The following PRKAR2A variants were observed in gnomAD, a reference collection of about 807,000 sequenced individuals.
The protein encoded by PRKAR2A is cAMP-dependent protein kinase type II-alpha regulatory subunit.
Under a neutral mutation model 51.9 loss-of-function variants are expected in PRKAR2A, and 29 were observed. The ratio of observed to expected loss-of-function variants is 0.56; its 90% CI spans 0.42 to 0.76. PRKAR2A has a LOEUF of 0.76. Ranked by LOEUF, PRKAR2A falls within the 30% of genes least tolerant of loss-of-function variation. The pLI is 0.00. For synonymous variants in PRKAR2A, 178 were observed against 186.2 expected (o/e 0.96, Z 0.36); for missense variants, 445 against 512.1 (o/e 0.87, Z 1.26).
Position 48,762,082 on chromosome 3 carries a change from G to A in PRKAR2A, c.873+2922C>T, listed in dbSNP as rs567297647. 2.6e-4 allele frequency among the ~76,000 whole-genome samples: 40 copies of A among 152,236 alleles called. No homozygotes were observed. The South Asian group carries it at 5.0e-3, about 19-fold the overall frequency. ...TACAAAGAAGAAAAGATGATAAACT[G>A]GACTTGTCAAAATTAAAACCATTTT... On this transcript the variant is annotated intron_variant, in intron 8 of 10. Transcript: ENST00000265563.
intron 1 of PRKAR2A, among the ~76,000 whole-genome samples, chr3:48,822,210 CAAAA>C (rs34189728): frequency 5.5e-5 from 6 of 109,070 alleles, no homozygotes; most frequent in Non-Finnish European, 9.1e-5. Context: ...GATTCTGTCT[CAAAA>C]AAAAAAAAAA....
chr3:48,837,238 A>T (rs2083301492), intron 1 of PRKAR2A, among the ~76,000 whole-genome samples: 1 of 152,188 alleles, frequency 6.6e-6, no homozygotes. Flanking sequence ...CAGGATTTCA[A>T]GGCTGTAATG....
At position 48,751,612 on chromosome 3, in the gene PRKAR2A, G is replaced by T. The variant is rs779242095; in HGVS notation, c.1188C>A (p.Ser396Arg). 1.1e-5 allele frequency: 17 copies of T among 1,613,152 alleles called. No homozygotes were observed. The highest frequency in any genetic ancestry group is 5.0e-5 in the Admixed American group (3 of 59,968). ...EEQLVKMFGS[S>R]VDLGNLGQ ...ACTGCCCGAGGTTGCCCAGATCCAC[G>T]CTGGAGCCAAACATCTTCACCAGCT... The change falls in exon 11 of 11, where the codon AGC (serine) becomes AGA (arginine). Residue 396 changes from serine (S) to arginine (R), a missense_variant. By Grantham distance (110) the Ser-to-Arg change is moderately radical. Transcript: ENST00000265563.
chr3:48,773,163 G>T, intron 5 of PRKAR2A, 55 bp from the exon 6 acceptor site: 1 of 1,405,224 alleles, frequency 7.1e-7, no homozygotes, highest in South Asian at 1.3e-5. Context: ...TAAATGTTAA[G>T]AACTGGCAGG....
intron 2 of PRKAR2A, among the ~76,000 whole-genome samples, chr3:48,795,016 A>T (rs891384408): frequency 6.6e-6 from 1 of 151,154 alleles, no homozygotes; most frequent in Admixed American, 6.6e-5. Flanking sequence ...TCGCTCTGTC[A>T]CCCAAGCTGG....
intron 8 of PRKAR2A, among the ~76,000 whole-genome samples, chr3:48,761,240 C>G (rs577782419): frequency 6.6e-6 from 1 of 152,132 alleles, no homozygotes; most frequent in Admixed American, 6.6e-5. Context: ...CGAGATCACA[C>G]CACTGCACTC....
intron 9 of PRKAR2A, among the ~76,000 whole-genome samples, chr3:48,754,267 G>T (rs2081718435): frequency 7.6e-6 from 1 of 131,008 alleles, no homozygotes; most frequent in African/African-American, 2.9e-5. Flanking sequence ...GACAGAGTTT[G>T]GCTCTTGTTG....
intron 1 of PRKAR2A, among the ~76,000 whole-genome samples, chr3:48,830,452 T>G (rs1278038873): frequency 6.6e-6 from 1 of 151,918 alleles, no homozygotes; most frequent in Non-Finnish European, 1.5e-5. Context: ...TACAATTAAC[T>G]TTTTTTAGTA....
At chr3:48,764,122 C>T (rs1240745675) in intron 8 of PRKAR2A, among the ~76,000 whole-genome samples, 1 of 152,188 alleles carries the variant, frequency 6.6e-6, no homozygotes, top group Non-Finnish European at 1.5e-5. Flanking sequence ...CCTAGACCAA[C>T]CATGTATCTT....
chr3:48,799,044 G>A (rs907911718), intron 2 of PRKAR2A, among the ~76,000 whole-genome samples: 2 of 151,950 alleles, frequency 1.3e-5, no homozygotes, highest in African/African-American at 4.8e-5. Context: ...CCTTAGTCCT[G>A]GTCCTAAATT....
At chr3:48,796,982 T>G (rs1481957348) in intron 2 of PRKAR2A, among the ~76,000 whole-genome samples, 1 of 151,994 alleles carries the variant, frequency 6.6e-6, no homozygotes. Context: ...TCTTATATCC[T>G]TAACCAGCTG....
chr3:48,787,346 T>C (rs945314793), intron 4 of PRKAR2A, among the ~76,000 whole-genome samples: 14 of 152,074 alleles, frequency 9.2e-5, no homozygotes, highest in African/African-American at 3.1e-4. Context: ...CCACCAAGCC[T>C]GGCTAATTTT....
rs139415132 is a variant in PRKAR2A, at chr3:48,776,571, A to G, written c.543-3463T>C. Among the ~76,000 whole-genome samples, 622 of 152,124 alleles carry G rather than the reference A, an allele frequency of 4.1e-3. 5 individuals are homozygous for G. The highest frequency in any genetic ancestry group is 0.013 in the African/African-American group (533 of 41,514). ...ATAATGACAGAGTATGGCTGGGCACAGTGGCTCACCTGTAGTCCCAGCACT... is the reference window on the plus strand; with the variant it reads ...ATAATGACAGAGTATGGCTGGGCACGGTGGCTCACCTGTAGTCCCAGCACT... On this transcript the variant is annotated intron_variant, in intron 5 of 10. Coordinates refer to ENST00000265563, the MANE Select transcript of PRKAR2A (RefSeq NM_004157.4).
chr3:48,811,195 T>TA lies in PRKAR2A; in HGVS notation c.263-3512dup, dbSNP rs531215265. On this transcript the variant is annotated intron_variant, in intron 1 of 10. Coordinates refer to ENST00000265563, the MANE Select transcript of PRKAR2A (RefSeq NM_004157.4). ...ATCTCTTAATTTTAACTTTAAAAAT[T>TA]AAAAAAAATGGGGCAGGTGTAGTGG... Among the ~76,000 whole-genome samples, 60 of 151,394 alleles carry TA rather than the reference T, an allele frequency of 4.0e-4. No homozygotes were observed. In the South Asian group the frequency reaches 9.4e-3, roughly 24 times the overall value.
chr3:48,776,842 A>G (rs527369094), intron 5 of PRKAR2A, among the ~76,000 whole-genome samples: 1 of 152,324 alleles, frequency 6.6e-6, no homozygotes, highest in Admixed American at 6.5e-5. Flanking sequence ...CTCTATCTCA[A>G]AATAATAATA....
At chr3:48,824,745 G>C (rs1453335939) in intron 1 of PRKAR2A, among the ~76,000 whole-genome samples, 1 of 151,750 alleles carries the variant, frequency 6.6e-6, no homozygotes, top group Non-Finnish European at 1.5e-5. Flanking sequence ...TCAGGAGTTT[G>C]AGACCAGCCT....
intron 4 of PRKAR2A, among the ~76,000 whole-genome samples, chr3:48,783,576 CTTGT>C (rs1431201947): frequency 2.6e-5 from 4 of 151,906 alleles, no homozygotes; most frequent in South Asian, 4.1e-4. Flanking sequence ...GCTTCAGTAT[CTTGT>C]TTGTTTTTTT....
rs535566973 is a variant in PRKAR2A at position 48,799,810 on chromosome 3, G to A, written c.299-5761C>T. On this transcript the variant is annotated intron_variant, in intron 2 of 10. Transcript: ENST00000265563. ...TCTGATTAATGTGCTTTGATGTTTC[G>A]ACATGTATTTAATAAATAAAAGTTG... Among the ~76,000 whole-genome samples the A allele has an allele frequency of 2.5e-4, 38 of 152,178 alleles. 1 individual carries two copies. Among genetic ancestry groups the A allele is most frequent in the Non-Finnish European group, 3.4e-4 (23 of 68,012 alleles).
At position 48,749,414 on chromosome 3, in the gene PRKAR2A, C is replaced by T. The variant is rs910720375; in HGVS notation, c.*2171G>A. On this transcript the variant is annotated 3_prime_UTR_variant, in exon 11 of 11. Transcript: ENST00000265563. The stretch of plus-strand genomic sequence containing the variant: ...TTCTTCTGGGGTTAACAATTAGAAT[C>T]CCAAATACCCCAACATCTCAACTAG... 1 of 151,908 alleles carries T rather than the reference C, an allele frequency of 6.6e-6. No homozygotes were observed. Among genetic ancestry groups the T allele is most frequent in the Admixed American group, 6.6e-5 (1 of 15,250 alleles). The allele number at this position is 151,908 out of a possible 1,614,324, so 9.4% of individuals were successfully genotyped here.
Sources: gnomAD v4.1 joint callset for allele counts (sites outside exome capture counted in the v4.1 genomes callset) on GRCh38, gnomAD v4.1.1 for gene constraint, MANE v1.5 for transcripts, NCBI Gene and HGNC (gene_info 2026-07-23, HGNC 2026-07-21) for gene names.